SLC17A1: variants seen among roughly 807,000 people sequenced by gnomAD.
SLC17A1 encodes the protein solute carrier family 17 member 1, also known as sodium-dependent phosphate transport protein 1.
Under a neutral mutation model 53.5 loss-of-function variants are expected in SLC17A1, and 51 were observed. The observed-to-expected ratio is 0.95, with a 90% CI of 0.76 to 1.20. SLC17A1 has a LOEUF of 1.20. Ranked by LOEUF, SLC17A1 falls within the 50% of genes most tolerant of loss-of-function variation. SLC17A1 has a pLI of 0.00. For synonymous variants in SLC17A1, 179 were observed against 198.8 expected, an observed-to-expected ratio of 0.90 and a Z score of 0.84; for missense variants, 538 against 568.2, an observed-to-expected ratio of 0.95 and a Z score of 0.54.
chr6:25,768,955 T>C, the SLC17A1 span: 1 of 1,601,230 alleles, frequency 6.2e-7, no homozygotes, highest in Non-Finnish European at 8.6e-7. Flanking sequence ...AGCATTCTGA[T>C]TGTGATTTTT....
chr6:25,751,660 A>G, the SLC17A1 span, among the ~76,000 whole-genome samples: 1 of 152,230 alleles, frequency 6.6e-6, no homozygotes, highest in Non-Finnish European at 1.5e-5. Context: ...AATTGTGAAC[A>G]GCACATAAAA....
the SLC17A1 span, chr6:25,773,639 T>A: frequency 1.2e-6 from 2 of 1,613,832 alleles, no homozygotes; most frequent in Non-Finnish European, 8.5e-7. Context: ...CACACCAACG[T>A]ACATCAGCTC....
chr6:25,728,749 G>T, the SLC17A1 span, among the ~76,000 whole-genome samples: 1 of 152,332 alleles, frequency 6.6e-6, no homozygotes, highest in Non-Finnish European at 1.5e-5. Context: ...GGGAGGCGGA[G>T]GTTGCAGTGA....
chr6:25,794,291 T>A (rs1763560388), intron 12 of SLC17A1, among the ~76,000 whole-genome samples: 1 of 152,236 alleles, frequency 6.6e-6, no homozygotes, highest in Non-Finnish European at 1.5e-5. Context: ...CTCTTTCCTA[T>A]AAATTTCTCT....
intron 3 of SLC17A1, among the ~76,000 whole-genome samples, chr6:25,825,984 T>C (rs1288105342): frequency 6.6e-6 from 1 of 152,102 alleles, no homozygotes; most frequent in African/African-American, 2.4e-5. Flanking sequence ...TGCTTTTTCA[T>C]TCTTTTTATA....
At chr6:25,761,993 G>A in the SLC17A1 span, 1 of 1,613,370 alleles carries the variant, frequency 6.2e-7, no homozygotes, top group Non-Finnish European at 8.5e-7. Flanking sequence ...CAAGGCTACA[G>A]TGGGGGACAT....
the SLC17A1 span, among the ~76,000 whole-genome samples, chr6:25,758,191 T>C: frequency 6.6e-6 from 1 of 152,176 alleles, no homozygotes; most frequent in Non-Finnish European, 1.5e-5. Context: ...AGGGGACATA[T>C]GTCAAGCTCC....
the SLC17A1 span, chr6:25,773,417 A>G: frequency 6.2e-7 from 1 of 1,612,536 alleles, no homozygotes; most frequent in Non-Finnish European, 8.5e-7. Flanking sequence ...CTCCTCTGAC[A>G]TTTCTCTATG....
chr6:25,762,044 T>C, the SLC17A1 span: 1 of 1,613,046 alleles, frequency 6.2e-7, no homozygotes, highest in Non-Finnish European at 8.5e-7. Flanking sequence ...AGAGGAATGC[T>C]CCAGGAAAGG....
chr6:25,773,245 T>C, the SLC17A1 span: 1 of 1,543,036 alleles, frequency 6.5e-7, no homozygotes, highest in Non-Finnish European at 9.0e-7. Flanking sequence ...CTTCAATCCA[T>C]CCAGTGCTAA....
chr6:25,761,902 T>C, the SLC17A1 span: 1 of 1,367,496 alleles, frequency 7.3e-7, no homozygotes, highest in East Asian at 2.3e-5. Flanking sequence ...TCCCTGTATT[T>C]TCTTTTGTAT....
chr6:25,811,293 C>A (rs1386776467), intron 10 of SLC17A1, 105 bp downstream of exon 10: 4 of 1,259,980 alleles, frequency 3.2e-6, no homozygotes, highest in South Asian at 3.1e-5. Context: ...TCGATTTTAG[C>A]CATTCCACAA....
At chr6:25,808,167 AG>A (rs1764023999) in intron 10 of SLC17A1, among the ~76,000 whole-genome samples, 1 of 152,064 alleles carries the variant, frequency 6.6e-6, no homozygotes, top group Non-Finnish European at 1.5e-5. Context: ...TTCTTGCAGG[AG>A]TAAGGTGGTA....
At chr6:25,759,599 GTAAGAATAGC>G in the SLC17A1 span, among the ~76,000 whole-genome samples, 1 of 152,096 alleles carries the variant, frequency 6.6e-6, no homozygotes, top group African/African-American at 2.4e-5. Flanking sequence ...TTTGTCTGAT[GTAAGAATAGC>G]TACTCCTCAC....
chr6:25,737,780 G>A, the SLC17A1 span, among the ~76,000 whole-genome samples: 41,089 of 151,906 alleles, frequency 0.27, 6,736 homozygotes, highest in East Asian at 0.68. Context: ...TCCTTCAAAA[G>A]AGTCTTCTCT....
the SLC17A1 span, among the ~76,000 whole-genome samples, chr6:25,745,064 T>C: frequency 5.9e-5 from 9 of 152,072 alleles, no homozygotes. Context: ...CACCCATTAG[T>C]TAATGTGTAA....
the SLC17A1 span, chr6:25,769,108 G>A: frequency 6.2e-7 from 1 of 1,613,948 alleles, no homozygotes; most frequent in Non-Finnish European, 8.5e-7. Context: ...GCCCCACCTA[G>A]CCAGCCCAAT....
At chr6:25,745,741 CT>C in the SLC17A1 span, among the ~76,000 whole-genome samples, 1 of 152,224 alleles carries the variant, frequency 6.6e-6, no homozygotes, top group Non-Finnish European at 1.5e-5. Context: ...GATCTGGCCT[CT>C]TTCTAGAAGG....
intron 6 of SLC17A1, among the ~76,000 whole-genome samples, chr6:25,814,814 T>C (rs1322603429): frequency 6.6e-6 from 1 of 152,010 alleles, no homozygotes; most frequent in African/African-American, 2.4e-5. Context: ...TGAAGCCCCG[T>C]CTCTTCTAAA....
Sources: allele counts gnomAD v4.1 joint callset (sites outside exome capture counted in the v4.1 genomes callset), GRCh38; gene constraint gnomAD v4.1.1; transcripts MANE v1.5; gene names NCBI Gene and HGNC (gene_info 2026-07-23, HGNC 2026-07-21).